RAB38: variants seen among roughly 807,000 people sequenced by gnomAD.
The protein encoded by RAB38 is RAB38, member RAS oncogene family.
Under a neutral mutation model 18.4 loss-of-function variants are expected in RAB38, and 15 were observed. The ratio of observed to expected loss-of-function variants is 0.82; its 90% CI spans 0.55 to 1.26. RAB38 has a LOEUF of 1.26. RAB38 is among the 50% of genes most tolerant of loss of function. The probability of loss-of-function intolerance (pLI) is 0.00; values close to 1 mark genes in which losing one functional copy is unlikely to be tolerated. For synonymous variants in RAB38, 101 were observed against 104.4 expected (o/e 0.97, Z 0.20); for missense variants, 294 against 267.4 (o/e 1.10, Z -0.69).
the RAB38 span, among the ~76,000 whole-genome samples, chr11:87,876,088 A>C: frequency 6.6e-6 from 1 of 151,606 alleles, no homozygotes; most frequent in African/African-American, 2.4e-5. Flanking sequence ...TCTACGTTTA[A>C]TTATTACTCT....
At chr11:88,131,734 T>A (rs1565212235) in intron 2 of RAB38, among the ~76,000 whole-genome samples, 1 of 152,296 alleles carries the variant, frequency 6.6e-6, no homozygotes, top group East Asian at 1.9e-4. Flanking sequence ...ATTCTAATGT[T>A]CCCAAGATGT....
At chr11:88,027,330 G>A in the RAB38 span, among the ~76,000 whole-genome samples, 3 of 152,260 alleles carry the variant, frequency 2.0e-5, no homozygotes, top group African/African-American at 7.2e-5. Context: ...TTCCATCTGA[G>A]GTACTGGGTT....
the RAB38 span, among the ~76,000 whole-genome samples, chr11:88,021,018 A>G: frequency 6.6e-6 from 1 of 152,162 alleles, no homozygotes; most frequent in East Asian, 1.9e-4. Flanking sequence ...CAAAGAAATA[A>G]CCTAATGATG....
the RAB38 span, among the ~76,000 whole-genome samples, chr11:88,043,559 T>C: frequency 5.5e-4 from 83 of 152,118 alleles, no homozygotes; most frequent in African/African-American, 2.0e-3. Context: ...TTCCTTTGCC[T>C]GGCTCATCCT....
At chr11:87,948,917 G>T in the RAB38 span, among the ~76,000 whole-genome samples, 1 of 152,100 alleles carries the variant, frequency 6.6e-6, no homozygotes, top group Non-Finnish European at 1.5e-5. Flanking sequence ...ATGAGTTAGG[G>T]AGGATTCCCT....
At chr11:88,045,832 A>T in the RAB38 span, among the ~76,000 whole-genome samples, 2 of 152,124 alleles carry the variant, frequency 1.3e-5, no homozygotes, top group African/African-American at 4.8e-5. Flanking sequence ...TGTTGCGGGT[A>T]TTGACGGCCA....
chr11:88,125,187 A>T (rs1942680650), intron 2 of RAB38, among the ~76,000 whole-genome samples: 1 of 152,188 alleles, frequency 6.6e-6, no homozygotes, highest in South Asian at 2.1e-4. Flanking sequence ...TCATCGAAAA[A>T]ATATCTTGTG....
the RAB38 span, among the ~76,000 whole-genome samples, chr11:87,950,107 C>G: frequency 0.43 from 65,034 of 151,912 alleles, 14,392 homozygotes; most frequent in South Asian, 0.56. Flanking sequence ...AGGATAGTTA[C>G]CTCTTCTTGT....
chr11:88,132,256 C>T (rs1942774552), intron 2 of RAB38, among the ~76,000 whole-genome samples: 1 of 152,142 alleles, frequency 6.6e-6, no homozygotes, highest in Admixed American at 6.6e-5. Flanking sequence ...CATCTTATAA[C>T]CATAAGGGAG....
the RAB38 span, among the ~76,000 whole-genome samples, chr11:87,974,413 C>T: frequency 6.6e-6 from 1 of 151,578 alleles, no homozygotes; most frequent in East Asian, 1.9e-4. Context: ...AATAAAGGAT[C>T]ATGAATGGGA....
chr11:88,150,886 A>G (rs1943055475), intron 1 of RAB38, among the ~76,000 whole-genome samples: 4 of 152,150 alleles, frequency 2.6e-5, no homozygotes. Context: ...CTGAACAGAT[A>G]TTTATTGGAC....
the RAB38 span, among the ~76,000 whole-genome samples, chr11:87,821,183 A>G: frequency 6.6e-6 from 1 of 152,224 alleles, no homozygotes; most frequent in African/African-American, 2.4e-5. Context: ...TTATATTTAA[A>G]CCAAGGGAAA....
chr11:88,065,369 G>A, the RAB38 span, among the ~76,000 whole-genome samples: 11 of 151,980 alleles, frequency 7.2e-5, no homozygotes, highest in African/African-American at 2.2e-4. Flanking sequence ...TAATATAGTC[G>A]CTTCCATTTG....
the RAB38 span, among the ~76,000 whole-genome samples, chr11:87,905,384 G>T: frequency 6.7e-6 from 1 of 149,500 alleles, no homozygotes. Flanking sequence ...ATACTTATAG[G>T]GCATATATTC....
the RAB38 span, among the ~76,000 whole-genome samples, chr11:87,807,951 A>G: frequency 3.3e-5 from 5 of 152,318 alleles, no homozygotes; most frequent in East Asian, 1.9e-4. Flanking sequence ...CTATCTATCT[A>G]TCTCCCTCTG....
the RAB38 span, among the ~76,000 whole-genome samples, chr11:87,920,974 A>C: frequency 6.6e-6 from 1 of 152,008 alleles, no homozygotes; most frequent in Admixed American, 6.6e-5. Flanking sequence ...GGTGGCTGTA[A>C]AGTCCAAGAC....
the RAB38 span, among the ~76,000 whole-genome samples, chr11:87,892,062 G>A: frequency 6.6e-6 from 1 of 151,714 alleles, no homozygotes; most frequent in African/African-American, 2.4e-5. Flanking sequence ...ATGTCTCTTT[G>A]ATGAGGAATG....
At chr11:87,893,390 A>ATATATATATATATATATATTT in the RAB38 span, among the ~76,000 whole-genome samples, 3,224 of 93,714 alleles carry the variant, frequency 0.034, 88 homozygotes, top group East Asian at 0.072. Flanking sequence ...ATATATATAT[A>ATATATATATATATATATATTT]TTTTTTTTTT....
At chr11:88,056,665 G>A in the RAB38 span, among the ~76,000 whole-genome samples, 2 of 152,144 alleles carry the variant, frequency 1.3e-5, no homozygotes, top group East Asian at 1.9e-4. Flanking sequence ...TTAGACGAGC[G>A]AGGTGGTGGG....
Sources: allele counts gnomAD v4.1 joint callset (sites outside exome capture counted in the v4.1 genomes callset), GRCh38; gene constraint gnomAD v4.1.1; transcripts MANE v1.5; gene names NCBI Gene and HGNC (gene_info 2026-07-23, HGNC 2026-07-21).